The following ZNF280C variants were observed in gnomAD, a reference collection of about 807,000 sequenced individuals.
ZNF280C encodes suppressor of hairy wing homolog 3.
ZNF280C carries 14 observed loss-of-function variants against 53.6 expected under a neutral mutation model. That is an observed-to-expected ratio of 0.26 (90% CI 0.17 to 0.41). ZNF280C has a LOEUF of 0.41. Ranked by LOEUF, ZNF280C falls within the 10% of genes least tolerant of loss-of-function variation. The pLI is 1.00. For missense variants in ZNF280C, 416 were observed against 547.1 expected (o/e 0.76, Z 2.39); for synonymous variants, 203 against 181.1 (o/e 1.12, Z -0.97).
At chrX:130,227,561 T>TC in intron 11 of ZNF280C, 121 bp downstream of exon 11, 1 of 559,647 alleles carries the variant, frequency 1.8e-6, no homozygotes, top group Non-Finnish European at 3.0e-6. Context: ...AAGAGGGTCT[T>TC]CAATTTTAGC....
chrX:130,260,408 G>T lies in ZNF280C; in HGVS notation c.31+11C>A. On this transcript the variant is annotated intron_variant, in intron 2 of 18. Coordinates refer to ENST00000370978, the MANE Select transcript of ZNF280C (RefSeq NM_017666.5). ...ATGCCTATTAGTATCAACTACAGCA[G>T]AAATACTTACTTTTTGGTTGAAAAG... is the stretch of plus-strand genomic sequence containing the variant. 1.7e-6 allele frequency: 2 copies of T among 1,193,829 alleles called. No individual in the cohort carries two copies. Among genetic ancestry groups the T allele is most frequent in the Non-Finnish European group, 2.3e-6 (2 of 885,205 alleles).
intron 8 of ZNF280C, among the ~76,000 whole-genome samples, chrX:130,233,745 G>C (rs1245951981): frequency 9.1e-6 from 1 of 109,809 alleles, no homozygotes; most frequent in Non-Finnish European, 1.9e-5. Context: ...TTATGTTTAT[G>C]ACACAAATTG....
chrX:130,239,091 ACT>A (rs1812753575), intron 6 of ZNF280C, among the ~76,000 whole-genome samples: 1 of 111,722 alleles, frequency 9.0e-6, no homozygotes, highest in African/African-American at 3.2e-5. Flanking sequence ...TGTGGAAATC[ACT>A]GTTTCTTTAG....
intron 2 of ZNF280C, among the ~76,000 whole-genome samples, chrX:130,251,285 A>AAAAAAAAAAAAAAAC (rs2032505855): frequency 1.1e-5 from 1 of 94,174 alleles, no homozygotes. Context: ...CCTGTCTCAA[A>AAAAAAAAAAAAAAAC]AAAAAAAAAA....
In ZNF280C at chrX:130,227,790, T is replaced by G; in HGVS notation, c.1148-8A>C. ...CACAGATTTTGCAAATAGCTGAAAG[T>G]GGAAAAAAACACATTATACCATTTA... On this transcript the variant is annotated splice_region_variant and splice_polypyrimidine_tract_variant and intron_variant, in intron 10 of 18. Transcript: ENST00000370978. The G allele has an allele frequency of 9.4e-7, 1 of 1,068,856 alleles. No homozygotes were observed. Among genetic ancestry groups the G allele is most frequent in the Non-Finnish European group, 1.3e-6 (1 of 771,321 alleles). The allele number at this position is 1,068,856 out of a possible 1,213,427, so 88.1% of individuals were successfully genotyped here.
chrX:130,252,563 T>TA (rs1485601998), intron 2 of ZNF280C, among the ~76,000 whole-genome samples: 5 of 109,493 alleles, frequency 4.6e-5, no homozygotes, highest in Non-Finnish European at 1.9e-5. Context: ...CTACTAAAAA[T>TA]AAAAAAATTA....
At chrX:130,223,482 G>C (rs1345225902) in intron 12 of ZNF280C, among the ~76,000 whole-genome samples, 1 of 112,176 alleles carries the variant, frequency 8.9e-6, no homozygotes, top group African/African-American at 3.2e-5. Flanking sequence ...CCATTTGTTA[G>C]GGAATGTGAC....
At position 130,229,215 on chromosome X, in the gene ZNF280C, AT is replaced by A. The variant is rs1347277981; in HGVS notation, c.990-82del. Reference sequence around the variant, plus strand: ...CTCACAAATAAGTCTCTGAAAATAAATTTTTAAAATGTAATTCTATGACTCA... The same window carrying A: ...CTCACAAATAAGTCTCTGAAAATAAATTTTAAAATGTAATTCTATGACTCA... On this transcript the variant is annotated intron_variant, in intron 9 of 18. Transcript: ENST00000370978. 4 of 962,518 alleles carry A rather than the reference AT, an allele frequency of 4.2e-6. No homozygotes were observed. The African/African-American group carries it at 7.7e-5, about 19-fold the overall frequency. 79.3% of individuals were successfully genotyped at this position (962,518 alleles called of 1,213,427 possible). A position where few individuals can be genotyped will look rare whatever the true frequency, so the allele number is the denominator to read the frequency against.
At chrX:130,262,753 T>C (rs1045765868) in intron 1 of ZNF280C, among the ~76,000 whole-genome samples, 1 of 111,683 alleles carries the variant, frequency 9.0e-6, no homozygotes, top group Non-Finnish European at 1.9e-5. Context: ...ACACTGTTCT[T>C]CTGAGGGAAA....
intron 1 of ZNF280C, among the ~76,000 whole-genome samples, chrX:130,267,838 T>C (rs900533296): frequency 2.7e-5 from 3 of 111,832 alleles, no homozygotes; most frequent in African/African-American, 9.8e-5. Flanking sequence ...CAACTCATAG[T>C]CCAAACCTGA....
At chrX:130,213,732 T>C (rs2032069383) in intron 15 of ZNF280C, among the ~76,000 whole-genome samples, 1 of 110,790 alleles carries the variant, frequency 9.0e-6, no homozygotes, top group Admixed American at 9.6e-5. Flanking sequence ...TGGGATGGTG[T>C]TAAGAAAGGG....
rs148097507 is a variant in ZNF280C, at chrX:130,234,787, C to A, written c.771+1427G>T. Among the ~76,000 whole-genome samples, 993 of 111,667 alleles carry A rather than the reference C, an allele frequency of 8.9e-3. 6 individuals are homozygous for A. Among genetic ancestry groups the A allele is most frequent in the Non-Finnish European group, 0.015 (809 of 53,102 alleles). ...CTAAAATATTTTAAGTGGCGTGTTA[C>A]CTTAATCCCATACTCTATTAGTACT... On this transcript the variant is annotated intron_variant, in intron 8 of 18. Coordinates refer to ENST00000370978, the MANE Select transcript of ZNF280C (RefSeq NM_017666.5).
At chrX:130,242,811 G>T (rs1233799243) in intron 5 of ZNF280C, among the ~76,000 whole-genome samples, 1 of 111,636 alleles carries the variant, frequency 9.0e-6, no homozygotes, top group Non-Finnish European at 1.9e-5. Context: ...CAAAGTGCTG[G>T]GATTACAGGC....
In ZNF280C at chrX:130,246,864, A is replaced by G. The variant is rs1327797848; in HGVS notation, c.173T>C (p.Ile58Thr). ...CACTGAAAGTAAATGCTTACTTGAA[A>G]TGGCTGGTTTTGAACTTGATATCTC... is the stretch of plus-strand genomic sequence containing the variant. ...VGEISSSKPA[I>T]SNILNRGHSS... is the part of the protein sequence containing the mutation. Residue 58 changes from isoleucine (I) to threonine (T), a missense_variant, in exon 3 of 19, where the codon ATT (isoleucine) becomes ACT (threonine). Physicochemically the swap from Ile to Thr is moderately conservative, Grantham distance 89. Transcript: ENST00000370978. 3 of 1,205,692 alleles carry G rather than the reference A, an allele frequency of 2.5e-6. No homozygotes were observed. Among genetic ancestry groups the G allele is most frequent in the Non-Finnish European group, 3.4e-6 (3 of 894,120 alleles).
At chrX:130,267,852 C>T (rs1027909218) in intron 1 of ZNF280C, among the ~76,000 whole-genome samples, 2 of 111,665 alleles carry the variant, frequency 1.8e-5, no homozygotes, top group African/African-American at 6.5e-5. Flanking sequence ...AACCTGAAAA[C>T]AATAGTAAAA....
rs1230409509 is a variant in ZNF280C, at chrX:130,228,992, G to A, written c.1132C>T (p.Pro378Ser). The change falls in exon 10 of 19, where the codon CCC becomes TCC. Residue 378 changes from proline to serine, a missense_variant. By Grantham distance (74) the Pro-to-Ser change is moderately conservative. Around this residue, in one of 3 missense-constraint regions of ZNF280C, gnomAD observed 72 missense variants for 168.8 expected, o/e 0.43. Coordinates refer to ENST00000370978, the MANE Select transcript of ZNF280C (RefSeq NM_017666.5). ...TTTCACTTACTAGAAAACTCATGGG[G>A]AGTGTGTGTACTCTCAATGTGGCAC... ...LQCHIESTHT[P>S]HEFSTICKIC... The A allele has an allele frequency of 8.4e-7, 1 of 1,196,546 alleles. No homozygotes were observed. Among genetic ancestry groups the A allele is most frequent in the Non-Finnish European group, 1.1e-6 (1 of 887,127 alleles).
chrX:130,204,819 G>A lies in ZNF280C; in HGVS notation c.*158C>T, dbSNP rs2031954444. 2.5e-6 allele frequency: 1 copy of A among 393,552 alleles called. No individual in the cohort carries two copies. The highest frequency in any genetic ancestry group is 4.1e-5 in the East Asian group (1 of 24,161). 32.4% of individuals were successfully genotyped at this position (393,552 alleles called of 1,213,427 possible). ...AAAGATAAGGTGGAATAACAATGTAGTGGCATCTGAAAGCTGAAAAGAGCT... is the reference window on the plus strand; with the variant it reads ...AAAGATAAGGTGGAATAACAATGTAATGGCATCTGAAAGCTGAAAAGAGCT... On this transcript the variant is annotated 3_prime_UTR_variant, in exon 19 of 19. Coordinates refer to ENST00000370978, the MANE Select transcript of ZNF280C (RefSeq NM_017666.5).
At chrX:130,210,412 G>T (rs1425290573) in intron 15 of ZNF280C, among the ~76,000 whole-genome samples, 1 of 112,152 alleles carries the variant, frequency 8.9e-6, no homozygotes, top group Non-Finnish European at 1.9e-5. Context: ...ATTTGATAAT[G>T]TATTTTGCTA....
At chrX:130,209,228 G>A (rs192048921) in intron 16 of ZNF280C, among the ~76,000 whole-genome samples, 36 of 111,958 alleles carry the variant, frequency 3.2e-4, no homozygotes, top group Admixed American at 2.2e-3. Context: ...AAAAACAGAT[G>A]TTTAGTTGAT....
Sources: allele counts gnomAD v4.1 joint callset (sites outside exome capture counted in the v4.1 genomes callset), GRCh38; gene constraint gnomAD v4.1.1; regional missense constraint gnomAD v4.1.1; transcripts MANE v1.5; gene names NCBI Gene and HGNC (gene_info 2026-07-23, HGNC 2026-07-21).